The following PTPN5 variants were observed in gnomAD, a reference collection of about 807,000 sequenced individuals.
PTPN5 encodes protein tyrosine phosphatase non-receptor type 5, also known as tyrosine-protein phosphatase non-receptor type 5.
In PTPN5, 29 loss-of-function variants were observed where a neutral mutation model predicts 73.9. The observed-to-expected ratio is 0.39, with a 90% confidence interval of 0.29 to 0.54. PTPN5 has a LOEUF of 0.54. Among genes scored for constraint, PTPN5 ranks in the 20% least tolerant of loss-of-function variants. PTPN5 has a pLI of 0.65. For synonymous variants in PTPN5, 267 were observed against 304.7 expected (o/e 0.88, Z 1.29); for missense variants, 652 against 751.4 (o/e 0.87, Z 1.55).
intron 1 of PTPN5, among the ~76,000 whole-genome samples, chr11:18,777,709 GC>G (rs1851224147): frequency 6.6e-6 from 1 of 152,128 alleles, no homozygotes; most frequent in South Asian, 2.1e-4. Flanking sequence ...ATTTTAGGAG[GC>G]CAAGGCAAGA....
At chr11:18,736,033 T>C (rs991008817) in intron 9 of PTPN5, among the ~76,000 whole-genome samples, 4 of 152,310 alleles carry the variant, frequency 2.6e-5, no homozygotes, top group African/African-American at 9.6e-5. Context: ...ATGTAAATTG[T>C]GTCCCCTGGA....
chr11:18,743,570 G>C (rs981724847), intron 4 of PTPN5, 141 bp from the exon 5 acceptor site: 1 of 733,940 alleles, frequency 1.4e-6, no homozygotes, highest in African/African-American at 1.8e-5. Context: ...GCTGAGAGCA[G>C]GGCCCCGGTG....
chr11:18,742,395 C>T lies in PTPN5; in HGVS notation c.592G>A (p.Glu198Lys). ...AGGAAGTCATCCTCGATCTTCTCCTCCATCCACTCTGAGTAGGTGAAGGAG... is the reference window on the plus strand; with the variant it reads ...AGGAAGTCATCCTCGATCTTCTCCTTCATCCACTCTGAGTAGGTGAAGGAG... Reference protein sequence around the residue: ...QPSFTYSEWMEEKIEDDFLDL... With the variant: ...QPSFTYSEWMKEKIEDDFLDL... The change falls in exon 7 of 15, where the codon GAG becomes AAG. Residue 198 changes from glutamate (E) to lysine (K), a missense_variant. Glu to Lys is a moderately conservative substitution (Grantham distance 56, BLOSUM62 1). Transcript: ENST00000358540. This position sits in a 1 kb window ranked among gnomAD's most constrained non-coding sequence, Gnocchi z 4.1. The T allele has an allele frequency of 6.2e-7, 1 of 1,614,186 alleles. No individual in the cohort carries two copies. Among genetic ancestry groups the T allele is most frequent in the Admixed American group, 1.7e-5 (1 of 60,028 alleles).
At chr11:18,746,190 T>TAC (rs1279134707) in intron 3 of PTPN5, among the ~76,000 whole-genome samples, 1 of 116,956 alleles carries the variant, frequency 8.6e-6, no homozygotes, top group East Asian at 2.2e-4. Flanking sequence ...TATATATATA[T>TAC]ATACATTTTT....
At chr11:18,749,543 T>C in intron 3 of PTPN5, 1 of 518,088 alleles carries the variant, frequency 1.9e-6, no homozygotes, top group Non-Finnish European at 3.9e-6. Context: ...GTGCAGATTT[T>C]GTGCCTGGTC....
chr11:18,757,450 G>A (rs138872334), intron 3 of PTPN5, among the ~76,000 whole-genome samples: 109 of 152,328 alleles, frequency 7.2e-4, no homozygotes, highest in African/African-American at 2.5e-3. Flanking sequence ...CAGGTAAGGA[G>A]TCCAGGGAAC....
chr11:18,738,972 C>CAA (rs375555659), intron 8 of PTPN5, among the ~76,000 whole-genome samples: 9 of 70,050 alleles, frequency 1.3e-4, no homozygotes, highest in South Asian at 4.7e-4. Context: ...AACCCTGTCT[C>CAA]AAAAAAAAAA....
chr11:18,732,104 C>A (rs549353973), intron 12 of PTPN5, among the ~76,000 whole-genome samples: 10 of 152,306 alleles, frequency 6.6e-5, no homozygotes, highest in African/African-American at 2.4e-4. Flanking sequence ...TTTTCTGTAA[C>A]CACAGCCCCC....
chr11:18,744,522 C>G (rs945476840), intron 3 of PTPN5, among the ~76,000 whole-genome samples: 12 of 151,424 alleles, frequency 7.9e-5, no homozygotes, highest in African/African-American at 2.2e-4. Flanking sequence ...ACAACCACCT[C>G]AAACTCAATT....
intron 3 of PTPN5, among the ~76,000 whole-genome samples, chr11:18,765,515 T>C (rs1049819070): frequency 1.3e-5 from 2 of 152,110 alleles, no homozygotes; most frequent in South Asian, 2.1e-4. Flanking sequence ...GGTCATTCCC[T>C]AGGAGCCCTG....
chr11:18,786,502 T>C (rs1851678881), intron 1 of PTPN5, among the ~76,000 whole-genome samples: 1 of 152,178 alleles, frequency 6.6e-6, no homozygotes, highest in African/African-American at 2.4e-5. Context: ...GCACCCGGCC[T>C]AGAATAGGGG....
In PTPN5 at chr11:18,762,232, G is replaced by A. The variant is rs187708137; in HGVS notation, c.97+3575C>T. On this transcript the variant is annotated intron_variant, in intron 3 of 14. Coordinates refer to ENST00000358540, the MANE Select transcript of PTPN5 (RefSeq NM_006906.2). Reference sequence around the variant, plus strand: ...ATGTTGCCCCCATCTGAAGGTGGGTGTGGGAACGAATGAGCCACCAGGCAT... The same window carrying A: ...ATGTTGCCCCCATCTGAAGGTGGGTATGGGAACGAATGAGCCACCAGGCAT... Among the ~76,000 whole-genome samples the A allele has an allele frequency of 1.1e-4, 17 of 152,300 alleles. No homozygotes were observed. The East Asian group carries it at 2.9e-3, about 26-fold the overall frequency.
At position 18,744,864 on chromosome 11, in the gene PTPN5, C is replaced by T. The variant is rs116583703; in HGVS notation, c.98-665G>A. Among the ~76,000 whole-genome samples the T allele has an allele frequency of 6.5e-3, 997 of 152,332 alleles. 8 individuals carry two copies. Among genetic ancestry groups the T allele is most frequent in the Middle Eastern group, 0.024 (7 of 294 alleles). On this transcript the variant is annotated intron_variant, in intron 3 of 14. Coordinates refer to ENST00000358540, the MANE Select transcript of PTPN5 (RefSeq NM_006906.2). ...CCTCTCTGGATCTTAAGTTTCCCCA[C>T]CTGGAAGATGGGGTTTGGGTTCAAC...
chr11:18,760,896 T>C (rs574524607), intron 3 of PTPN5, among the ~76,000 whole-genome samples: 1 of 152,376 alleles, frequency 6.6e-6, no homozygotes, highest in Admixed American at 6.5e-5. Flanking sequence ...CTACTAGGAC[T>C]TCAGGATTTC....
intron 3 of PTPN5, among the ~76,000 whole-genome samples, chr11:18,755,306 G>A (rs1292959225): frequency 6.6e-6 from 1 of 152,216 alleles, no homozygotes; most frequent in African/African-American, 2.4e-5. Context: ...AACTTGAGAT[G>A]TTGTGAGAGA....
intron 1 of PTPN5, 45 bp from the exon 2 acceptor site, chr11:18,772,116 C>G (rs985963113): frequency 5.3e-6 from 3 of 565,118 alleles, no homozygotes; most frequent in Non-Finnish European, 9.2e-6. Context: ...AGTCTCAGGT[C>G]ACACAGTGTG....
At chr11:18,745,920 T>G (rs1232744884) in intron 3 of PTPN5, among the ~76,000 whole-genome samples, 2 of 151,902 alleles carry the variant, frequency 1.3e-5, no homozygotes, top group African/African-American at 2.4e-5. Context: ...TGCCATGGGT[T>G]GTAAAATAAT....
At chr11:18,741,292 C>T (rs945214352) in intron 7 of PTPN5, among the ~76,000 whole-genome samples, 1 of 152,156 alleles carries the variant, frequency 6.6e-6, no homozygotes, top group African/African-American at 2.4e-5. Context: ...GAGGCCAGGA[C>T]CCCCGCTGTC....
intron 1 of PTPN5, among the ~76,000 whole-genome samples, chr11:18,774,544 G>A (rs977959451): frequency 2.6e-5 from 4 of 152,248 alleles, no homozygotes; most frequent in African/African-American, 9.6e-5. Flanking sequence ...GGCTTGAGGA[G>A]CCCTCGTCCT....
Sources: allele counts gnomAD v4.1 joint callset (sites outside exome capture counted in the v4.1 genomes callset), GRCh38; gene constraint gnomAD v4.1.1; non-coding constraint Gnocchi (gnomAD v3.1); transcripts MANE v1.5; gene names NCBI Gene and HGNC (gene_info 2026-07-23, HGNC 2026-07-21).